Variants in GSG1L observed in about 807,000 individuals in gnomAD.
GSG1L encodes the protein GSG1 like, also known as germ cell-specific gene 1-like protein.
A neutral mutation model predicts 42.1 loss-of-function variants in GSG1L; 24 were observed. That is an observed-to-expected ratio of 0.57 (90% CI 0.41 to 0.80). The LOEUF is 0.80. GSG1L is among the 30% of genes least tolerant of loss of function. The pLI is 0.00. For missense variants in GSG1L, 445 were observed against 472.2 expected, an observed-to-expected ratio of 0.94 and a Z score of 0.53; for synonymous variants, 215 against 203.5, an observed-to-expected ratio of 1.06 and a Z score of -0.48.
chr16:27,824,039 G>A (rs760724012), intron 5 of GSG1L: 1 of 658,972 alleles, frequency 1.5e-6, no homozygotes, highest in Non-Finnish European at 2.8e-6. Flanking sequence ...GAGATTATCA[G>A]CCATGCTTCG....
At chr16:28,004,921 C>T (rs1419010380) in intron 1 of GSG1L, among the ~76,000 whole-genome samples, 1 of 152,150 alleles carries the variant, frequency 6.6e-6, no homozygotes, top group Non-Finnish European at 1.5e-5. Flanking sequence ...TGCCTGGGCT[C>T]GAACCCAGCT....
chr16:27,904,567 T>G (rs1243428682), intron 2 of GSG1L, among the ~76,000 whole-genome samples: 1 of 152,154 alleles, frequency 6.6e-6, no homozygotes, highest in Non-Finnish European at 1.5e-5. Flanking sequence ...CCCTCTAATG[T>G]TCCAATGGTT....
intron 4 of GSG1L, among the ~76,000 whole-genome samples, chr16:27,839,133 C>T (rs1390065528): frequency 2.6e-5 from 4 of 152,220 alleles, no homozygotes; most frequent in African/African-American, 7.2e-5. Flanking sequence ...GGCTGGTCTG[C>T]TGTTTCCACA....
chr16:27,810,399 G>C (rs2083017969), intron 5 of GSG1L, among the ~76,000 whole-genome samples: 1 of 152,208 alleles, frequency 6.6e-6, no homozygotes, highest in Non-Finnish European at 1.5e-5. Flanking sequence ...GAGCCCAGGA[G>C]ACAGAGGCTA....
chr16:28,056,030 A>G lies in GSG1L; in HGVS notation c.349+7046T>C, dbSNP rs112698602. Among the ~76,000 whole-genome samples the G allele has an allele frequency of 1.2e-3, 187 of 152,208 alleles. 1 individual carries two copies. The highest frequency in any genetic ancestry group is 4.4e-3 in the African/African-American group (183 of 41,488). On this transcript the variant is annotated intron_variant, in intron 1 of 6. Transcript: ENST00000447459. ...AAGAACATCTGACAAGTCCACGGGA[A>G]TGACAGGCACGGAGTAGAGAGCCCC...
intron 2 of GSG1L, among the ~76,000 whole-genome samples, chr16:27,960,958 G>C (rs947443310): frequency 6.6e-5 from 10 of 152,068 alleles, no homozygotes; most frequent in African/African-American, 2.4e-4. Flanking sequence ...TGGGGTTCTT[G>C]TAAAAGAAGC....
At chr16:27,977,060 G>A (rs753940273) in intron 1 of GSG1L, among the ~76,000 whole-genome samples, 13 of 152,104 alleles carry the variant, frequency 8.5e-5, no homozygotes, top group Non-Finnish European at 1.6e-4. Context: ...CCCACAACCC[G>A]GAAGAGAGTC....
chr16:27,809,158 C>G (rs142230983), intron 5 of GSG1L, among the ~76,000 whole-genome samples: 6 of 152,048 alleles, frequency 3.9e-5, no homozygotes, highest in Non-Finnish European at 8.8e-5. Context: ...TTTGGGAGGC[C>G]GAGGCAGGAG....
At chr16:28,060,002 GC>G (rs2086322878) in intron 1 of GSG1L, among the ~76,000 whole-genome samples, 1 of 152,188 alleles carries the variant, frequency 6.6e-6, no homozygotes, top group African/African-American at 2.4e-5. Flanking sequence ...GGCCGAACAG[GC>G]AAACAGGCGT....
chr16:27,808,837 C>A (rs7186778), intron 5 of GSG1L, among the ~76,000 whole-genome samples: 70,304 of 151,892 alleles, frequency 0.46, 16,449 homozygotes, highest in Admixed American at 0.56. Context: ...GAGCGAGCAG[C>A]CTCTGCGGGG....
chr16:27,802,867 C>T (rs914665394), intron 6 of GSG1L, among the ~76,000 whole-genome samples: 14 of 152,024 alleles, frequency 9.2e-5, no homozygotes, highest in African/African-American at 3.4e-4. Context: ...GTTGCCCAGG[C>T]TGGTCTCGAA....
At chr16:27,854,553 C>T (rs2083552529) in intron 3 of GSG1L, among the ~76,000 whole-genome samples, 1 of 152,184 alleles carries the variant, frequency 6.6e-6, no homozygotes. Context: ...GAACAGTGGA[C>T]ACCTTGCGAG....
chr16:28,008,794 G>A lies in GSG1L; in HGVS notation c.350-45591C>T, dbSNP rs117358943. Among the ~76,000 whole-genome samples, 4 of 152,228 alleles carry A rather than the reference G, an allele frequency of 2.6e-5. No homozygotes were observed. The East Asian group carries it at 5.8e-4, about 22-fold the overall frequency. On this transcript the variant is annotated intron_variant, in intron 1 of 6. Coordinates refer to ENST00000447459, the MANE Select transcript of GSG1L (RefSeq NM_001109763.2). ...AGAAGCAATGTCCAGAAAGTGGGGTGCAGTTGTCAGAACTTTTTTGTTTGT... is the reference window on the plus strand; with the variant it reads ...AGAAGCAATGTCCAGAAAGTGGGGTACAGTTGTCAGAACTTTTTTGTTTGT...
At chr16:27,852,471 G>A (rs1437505405) in intron 3 of GSG1L, among the ~76,000 whole-genome samples, 1 of 152,094 alleles carries the variant, frequency 6.6e-6, no homozygotes, top group Non-Finnish European at 1.5e-5. Context: ...GGTCTGTGGG[G>A]TGGGGAGGTC....
At chr16:27,868,050 C>G (rs1219733195) in intron 3 of GSG1L, among the ~76,000 whole-genome samples, 1 of 152,246 alleles carries the variant, frequency 6.6e-6, no homozygotes, top group Admixed American at 6.5e-5. Context: ...TATTAAAATT[C>G]TTACCTCTTC....
chr16:27,817,187 AAT>A (rs1477819236), intron 5 of GSG1L, among the ~76,000 whole-genome samples: 1 of 152,182 alleles, frequency 6.6e-6, no homozygotes, highest in Non-Finnish European at 1.5e-5. Flanking sequence ...ATGTGGCCAC[AAT>A]AGCCAGGGGC....
At chr16:27,832,177 A>G (rs561458866) in intron 4 of GSG1L, among the ~76,000 whole-genome samples, 1 of 152,248 alleles carries the variant, frequency 6.6e-6, no homozygotes, top group South Asian at 2.1e-4. Context: ...TCCTTTTGAG[A>G]TAATTACAGA....
At chr16:27,860,851 A>G (rs2140999798) in intron 3 of GSG1L, among the ~76,000 whole-genome samples, 1 of 152,296 alleles carries the variant, frequency 6.6e-6, no homozygotes, top group African/African-American at 2.4e-5. Flanking sequence ...GGCCAGTGGG[A>G]GGCTGGGCGT....
chr16:27,945,235 A>C (rs1163679722), intron 2 of GSG1L, among the ~76,000 whole-genome samples: 1 of 152,122 alleles, frequency 6.6e-6, no homozygotes, highest in Non-Finnish European at 1.5e-5. Context: ...TACACTAAAA[A>C]CCACTGAATT....
Sources: gnomAD v4.1 joint callset for allele counts (sites outside exome capture counted in the v4.1 genomes callset) on GRCh38, gnomAD v4.1.1 for gene constraint, MANE v1.5 for transcripts, NCBI Gene and HGNC (gene_info 2026-07-23, HGNC 2026-07-21) for gene names.